CENPW: variants seen among roughly 807,000 people sequenced by gnomAD.
CENPW encodes cancer-up-regulated gene 2 protein.
CENPW carries 3 observed loss-of-function variants against 11.1 expected under a neutral mutation model. The ratio of observed to expected loss-of-function variants is 0.27; its 90% CI spans 0.12 to 0.70. CENPW has a LOEUF of 0.70. Ranked by LOEUF, CENPW falls within the 30% of genes least tolerant of loss-of-function variation. The pLI, the probability that CENPW is intolerant of heterozygous loss-of-function variation, is 0.77. For missense variants in CENPW, 100 were observed against 105.6 expected, an observed-to-expected ratio of 0.95 and a Z score of 0.23; for synonymous variants, 38 against 42.0, an observed-to-expected ratio of 0.91 and a Z score of 0.37.
At chr6:126,447,608 A>G in the CENPW span, among the ~76,000 whole-genome samples, 1 of 151,154 alleles carries the variant, frequency 6.6e-6, no homozygotes, top group Non-Finnish European at 1.5e-5. Flanking sequence ...TCCAGGTATG[A>G]TGTCAGACCA....
intron 1 of CENPW, among the ~76,000 whole-genome samples, chr6:126,340,823 C>T (rs1376185127): frequency 6.6e-6 from 1 of 152,174 alleles, no homozygotes; most frequent in Non-Finnish European, 1.5e-5. Flanking sequence ...GCATTGCTCA[C>T]ATGCCTTTTA....
At chr6:126,428,211 T>TGG in the CENPW span, among the ~76,000 whole-genome samples, 1 of 152,318 alleles carries the variant, frequency 6.6e-6, no homozygotes, top group East Asian at 1.9e-4. Context: ...TGACATTTAT[T>TGG]TCTTAGGTGC....
In CENPW at chr6:126,346,210, T is replaced by G. The variant is rs1373481504; in HGVS notation, c.132T>G (p.His44Gln). 8.2e-6 allele frequency: 13 copies of G among 1,583,828 alleles called. No individual in the cohort carries two copies. Among genetic ancestry groups the G allele is most frequent in the Non-Finnish European group, 1.1e-5 (13 of 1,158,792 alleles). ...TTGGATTTTCTGTTTTAAAGGTCCA[T>G]CTGAACTGTTTACTGTTTGTTCATC... ...RLEKSGDLLV[H>Q]LNCLLFVHRL... Residue 44 changes from histidine (H) to glutamine (Q), a missense_variant, in exon 2 of 3, where the codon CAT (histidine) becomes CAG (glutamine). Coordinates refer to ENST00000368328, the MANE Select transcript of CENPW (RefSeq NM_001012507.4).
chr6:126,456,509 G>A, the CENPW span, among the ~76,000 whole-genome samples: 2 of 151,502 alleles, frequency 1.3e-5, no homozygotes, highest in African/African-American at 2.4e-5. Flanking sequence ...ATATGCAGAA[G>A]ATTGAAACTG....
At chr6:126,472,999 A>G in the CENPW span, among the ~76,000 whole-genome samples, 1 of 152,240 alleles carries the variant, frequency 6.6e-6, no homozygotes, top group Non-Finnish European at 1.5e-5. Flanking sequence ...TAATTAAAAT[A>G]CTGTAATATG....
chr6:126,455,567 C>G, the CENPW span, among the ~76,000 whole-genome samples: 3 of 151,116 alleles, frequency 2.0e-5, no homozygotes, highest in Non-Finnish European at 4.4e-5. Flanking sequence ...AAGCAACACA[C>G]CTCAAAATAA....
At chr6:126,430,927 A>C in the CENPW span, among the ~76,000 whole-genome samples, 1 of 152,122 alleles carries the variant, frequency 6.6e-6, no homozygotes, top group Non-Finnish European at 1.5e-5. Flanking sequence ...CTCAAAAAAA[A>C]ATAAACAAAT....
chr6:126,440,874 G>A, the CENPW span, among the ~76,000 whole-genome samples: 1 of 151,500 alleles, frequency 6.6e-6, no homozygotes, highest in Non-Finnish European at 1.5e-5. Context: ...AGGGTCAGAA[G>A]TGTTAGCTAT....
chr6:126,440,089 TC>T, the CENPW span, among the ~76,000 whole-genome samples: 1 of 151,634 alleles, frequency 6.6e-6, no homozygotes, highest in Non-Finnish European at 1.5e-5. Context: ...AAGGCAAAAG[TC>T]TCTCACTCTT....
At chr6:126,342,559 T>C (rs1261025506) in intron 1 of CENPW, among the ~76,000 whole-genome samples, 1 of 152,140 alleles carries the variant, frequency 6.6e-6, no homozygotes, top group East Asian at 1.9e-4. Context: ...CTGCCTTTTG[T>C]ACATGGTATT....
the CENPW span, among the ~76,000 whole-genome samples, chr6:126,374,924 T>C: frequency 6.6e-6 from 1 of 152,206 alleles, no homozygotes; most frequent in Admixed American, 6.5e-5. Context: ...ATTATTTCTG[T>C]GCTCTGGAAA....
chr6:126,448,804 C>CA, the CENPW span, among the ~76,000 whole-genome samples: 1 of 150,762 alleles, frequency 6.6e-6, no homozygotes, highest in African/African-American at 2.4e-5. Context: ...AGAAATAAAC[C>CA]AAAAAAACAG....
the CENPW span, among the ~76,000 whole-genome samples, chr6:126,446,606 G>A: frequency 6.6e-6 from 1 of 150,896 alleles, no homozygotes; most frequent in Non-Finnish European, 1.5e-5. Context: ...ATGCCCAGAG[G>A]CTACTGTGAT....
At chr6:126,434,242 C>A in the CENPW span, among the ~76,000 whole-genome samples, 1 of 151,966 alleles carries the variant, frequency 6.6e-6, no homozygotes, top group Non-Finnish European at 1.5e-5. Context: ...ATGAAACTTG[C>A]CAAACTCAGC....
the CENPW span, among the ~76,000 whole-genome samples, chr6:126,445,346 T>C: frequency 6.6e-6 from 1 of 151,182 alleles, no homozygotes; most frequent in African/African-American, 2.4e-5. Flanking sequence ...TGTTTTGTCA[T>C]TCTAGCTTCT....
At chr6:126,359,663 C>G in the CENPW span, among the ~76,000 whole-genome samples, 56 of 151,812 alleles carry the variant, frequency 3.7e-4, no homozygotes, top group Non-Finnish European at 6.6e-4. Flanking sequence ...TTCTGTTTAT[C>G]ATTACATAAT....
downstream of CENPW, among the ~76,000 whole-genome samples, chr6:126,352,300 CCT>C (rs1413877576): frequency 6.6e-6 from 1 of 152,024 alleles, no homozygotes; most frequent in Non-Finnish European, 1.5e-5. Flanking sequence ...TTTGCTGACC[CCT>C]GTGTTAGATA....
the CENPW span, among the ~76,000 whole-genome samples, chr6:126,443,162 AT>A: frequency 1.5e-3 from 225 of 151,366 alleles, 1 homozygote; most frequent in Admixed American, 2.2e-3. Context: ...TGCTTCATAA[AT>A]TTTTTTAAGA....
chr6:126,348,962 C>G (rs1161559555), downstream of CENPW: 1 of 151,866 alleles, frequency 6.6e-6, no homozygotes, highest in Non-Finnish European at 1.5e-5. Context: ...TATATTATGC[C>G]AGTAGTAATG....
Sources: gnomAD v4.1 joint callset for allele counts (sites outside exome capture counted in the v4.1 genomes callset) on GRCh38, gnomAD v4.1.1 for gene constraint, MANE v1.5 for transcripts, NCBI Gene and HGNC (gene_info 2026-07-23, HGNC 2026-07-21) for gene names.